Variants in MYH15 observed in about 807,000 individuals in gnomAD.
MYH15 encodes the protein myosin-15.
A neutral mutation model predicts 240.5 loss-of-function variants in MYH15; 227 were observed. The observed-to-expected ratio is 0.94, with a 90% confidence interval of 0.85 to 1.05. MYH15 has a LOEUF of 1.05. Ranked by LOEUF, MYH15 falls within the 50% of genes least tolerant of loss-of-function variation. The pLI is 0.00. For missense variants in MYH15, 2,217 were observed against 2,247.5 expected (o/e 0.99, Z 0.27); for synonymous variants, 785 against 796.7 (o/e 0.99, Z 0.25).
Position 108,391,886 on chromosome 3 carries a change from A to C in MYH15, c.5304T>G (p.Ile1768Met). 1 of 1,614,140 alleles carries C rather than the reference A, an allele frequency of 6.2e-7. No homozygotes were observed. The highest frequency in any genetic ancestry group is 1.1e-5 in the South Asian group (1 of 91,076). Residue 1768 changes from isoleucine to methionine, a missense_variant, in exon 37 of 41, where the codon ATT (isoleucine) becomes ATG (methionine). Physicochemically the swap from Ile to Met is conservative, Grantham distance 10. Transcript: ENST00000693548. ...TTTCTCTTGTCCTTTCCAAGTGGGC[A>C]ATGGTGTCTTGCTTCTTCTTCAGTT... ...SEELKKKQDT[I>M]AHLERTRENM...
chr3:108,517,738 G>T (rs2083585922), intron 1 of MYH15, among the ~76,000 whole-genome samples: 1 of 152,212 alleles, frequency 6.6e-6, no homozygotes, highest in Non-Finnish European at 1.5e-5. Context: ...AAAGTGCTGG[G>T]ATTACAGGTG....
chr3:108,401,691 G>A (rs1439090041), intron 33 of MYH15, among the ~76,000 whole-genome samples: 1 of 152,182 alleles, frequency 6.6e-6, no homozygotes, highest in Non-Finnish European at 1.5e-5. Context: ...TTCTACTTAA[G>A]CAGACAAACT....
chr3:108,534,385 A>G, the MYH15 span, among the ~76,000 whole-genome samples: 1 of 152,216 alleles, frequency 6.6e-6, no homozygotes, highest in South Asian at 2.1e-4. Context: ...TATCAAACCA[A>G]TGACATTTAA....
At chr3:108,523,979 G>C (rs2083645056) in intron 1 of MYH15, among the ~76,000 whole-genome samples, 1 of 151,830 alleles carries the variant, frequency 6.6e-6, no homozygotes, top group African/African-American at 2.4e-5. Flanking sequence ...GACATTTCCA[G>C]AGGTTTTTTG....
chr3:108,493,313 A>AG (rs2083367772), intron 7 of MYH15, 136 bp from the exon 8 acceptor site: 7 of 642,828 alleles, frequency 1.1e-5, no homozygotes, highest in South Asian at 6.2e-5. Context: ...ACAAAAAAAA[A>AG]AAAGAAAGAA....
intron 1 of MYH15, among the ~76,000 whole-genome samples, chr3:108,507,130 C>A (rs1325809546): frequency 6.6e-6 from 1 of 151,392 alleles, no homozygotes; most frequent in Non-Finnish European, 1.5e-5. Flanking sequence ...CACTTGAACC[C>A]AGGAGTTGGC....
At chr3:108,440,702 A>AG (rs1175221357) in intron 23 of MYH15, among the ~76,000 whole-genome samples, 1 of 151,850 alleles carries the variant, frequency 6.6e-6, no homozygotes, top group East Asian at 1.9e-4. Context: ...CTTCCAAAAA[A>AG]AAAAAAAAGG....
At chr3:108,529,840 G>A (rs571614859), upstream of MYH15, among the ~76,000 whole-genome samples, 6 of 152,294 alleles carry the variant, frequency 3.9e-5, no homozygotes, top group East Asian at 9.7e-4. Context: ...CAACCTCTTT[G>A]AGTTAAGGAG....
At chr3:108,429,904 A>G (rs912286013) in intron 26 of MYH15, among the ~76,000 whole-genome samples, 1 of 152,226 alleles carries the variant, frequency 6.6e-6, no homozygotes, top group Non-Finnish European at 1.5e-5. Context: ...TATCCCAAAT[A>G]ATACCACCAT....
chr3:108,447,939 T>C (rs932350311), intron 21 of MYH15, among the ~76,000 whole-genome samples: 1 of 152,060 alleles, frequency 6.6e-6, no homozygotes, highest in East Asian at 1.9e-4. Context: ...CTAAAAAATA[T>C]TAAATTGTGA....
intron 35 of MYH15, among the ~76,000 whole-genome samples, chr3:108,396,693 G>GA (rs74627865): frequency 1.5e-4 from 23 of 149,256 alleles, no homozygotes; most frequent in East Asian, 3.9e-4. Flanking sequence ...TCTTGAAGGA[G>GA]AAAAAAAAAA....
In MYH15 at chr3:108,441,251, T is replaced by A; in HGVS notation, c.2665A>T (p.Thr889Ser). Residue 889 changes from threonine (T) to serine (S), a missense_variant, in exon 23 of 41, where the codon ACA becomes TCA. Thr to Ser is a moderately conservative substitution (Grantham distance 58, BLOSUM62 1). Transcript: ENST00000693548. Reference protein sequence around the residue: ...LILQLQAEQETLANVEEQCEW... With the variant: ...LILQLQAEQESLANVEEQCEW... ...CACTGCTCTTCAACATTTGCCAGTGTCTCTTGCTCCTGCCATGATGAGGAG... is the reference window on the plus strand; with the variant it reads ...CACTGCTCTTCAACATTTGCCAGTGACTCTTGCTCCTGCCATGATGAGGAG... 1 of 1,614,006 alleles carries A rather than the reference T, an allele frequency of 6.2e-7. No homozygotes were observed. Among genetic ancestry groups the A allele is most frequent in the Non-Finnish European group, 8.5e-7 (1 of 1,179,924 alleles).
chr3:108,408,289 T>C lies in MYH15; in HGVS notation c.4611A>G (p.Glu1537=). The stretch of plus-strand genomic sequence containing the variant: ...TCCCTGGTGATAATACCTCTGTTTC[T>C]TCCAGTGTCACCTGGACTTCTGTCT... ...EEKTEVQVTL[E]ETEGALERNE... The change falls in exon 32 of 41, where the codon GAA becomes GAG. Residue 1537 remains glutamate (E), a synonymous_variant. Coordinates refer to ENST00000693548, the MANE Select transcript of MYH15 (RefSeq NM_014981.3). The C allele has an allele frequency of 6.2e-7, 1 of 1,611,978 alleles. No homozygotes were observed. Among genetic ancestry groups the C allele is most frequent in the South Asian group, 1.1e-5 (1 of 90,532 alleles).
At chr3:108,502,489 G>T (rs1487990865) in intron 2 of MYH15, among the ~76,000 whole-genome samples, 1 of 152,048 alleles carries the variant, frequency 6.6e-6, no homozygotes, top group African/African-American at 2.4e-5. Context: ...TCAAAAACTT[G>T]CAATGCATGT....
intron 32 of MYH15, among the ~76,000 whole-genome samples, chr3:108,408,078 G>A (rs1173878589): frequency 6.6e-6 from 1 of 152,188 alleles, no homozygotes; most frequent in Non-Finnish European, 1.5e-5. Context: ...CCTGCTCTCT[G>A]AGTCTCAATT....
At chr3:108,457,420 T>G (rs941106097) in intron 18 of MYH15, among the ~76,000 whole-genome samples, 1 of 152,064 alleles carries the variant, frequency 6.6e-6, no homozygotes, top group Admixed American at 6.6e-5. Context: ...TTCATGAGAG[T>G]GCCTAAATTC....
At chr3:108,534,100 C>A (rs184294453), upstream of MYH15, among the ~76,000 whole-genome samples, 2 of 152,302 alleles carry the variant, frequency 1.3e-5, no homozygotes, top group Non-Finnish European at 2.9e-5. Context: ...TGTCATTAAT[C>A]TAAGGAGTCC....
intron 33 of MYH15, among the ~76,000 whole-genome samples, chr3:108,404,661 C>T (rs1327471716): frequency 1.3e-5 from 2 of 152,134 alleles, no homozygotes; most frequent in Non-Finnish European, 1.5e-5. Context: ...CCCATGAGTC[C>T]TGTCTAATTC....
intron 33 of MYH15, among the ~76,000 whole-genome samples, chr3:108,402,000 G>A (rs1367508868): frequency 3.9e-5 from 6 of 152,148 alleles, no homozygotes; most frequent in African/African-American, 1.2e-4. Context: ...AAATCAAGAT[G>A]ATAGAACTTG....
Sources: allele counts gnomAD v4.1 joint callset (sites outside exome capture counted in the v4.1 genomes callset), GRCh38; gene constraint gnomAD v4.1.1; transcripts MANE v1.5; gene names NCBI Gene and HGNC (gene_info 2026-07-23, HGNC 2026-07-21).